Variants in PRKN observed in about 807,000 individuals in gnomAD.
PRKN encodes the protein E3 ubiquitin-protein ligase parkin.
PRKN carries 56 observed loss-of-function variants against 59.5 expected under a neutral mutation model. The ratio of observed to expected loss-of-function variants is 0.94; its 90% CI spans 0.76 to 1.18. The LOEUF is 1.18. PRKN is among the 50% of genes most tolerant of loss of function. The probability of loss-of-function intolerance (pLI) is 0.00; values close to 1 mark genes in which losing one functional copy is unlikely to be tolerated. For missense variants in PRKN, 657 were observed against 596.4 expected, an observed-to-expected ratio of 1.10 and a Z score of -1.06; for synonymous variants, 250 against 222.1, an observed-to-expected ratio of 1.13 and a Z score of -1.12.
At chr6:162,284,952 C>T (rs1438917204) in intron 2 of PRKN, among the ~76,000 whole-genome samples, 7 of 152,078 alleles carry the variant, frequency 4.6e-5, no homozygotes, top group African/African-American at 1.7e-4. Flanking sequence ...AAAATGTCAG[C>T]ATTAGGGTGG....
At chr6:162,418,776 AG>A (rs1475814034) in intron 2 of PRKN, among the ~76,000 whole-genome samples, 1 of 151,754 alleles carries the variant, frequency 6.6e-6, no homozygotes, top group Non-Finnish European at 1.5e-5. Context: ...AAGCACACCC[AG>A]GGCACTCCTG....
intron 3 of PRKN, among the ~76,000 whole-genome samples, chr6:162,233,559 C>T (rs1778514451): frequency 1.3e-5 from 2 of 152,150 alleles, no homozygotes; most frequent in African/African-American, 4.8e-5. Context: ...ACCTCCTCCT[C>T]ATTTTATAGA....
intron 5 of PRKN, among the ~76,000 whole-genome samples, chr6:161,989,388 C>A (rs963936313): frequency 6.6e-6 from 1 of 151,950 alleles, no homozygotes; most frequent in Admixed American, 6.6e-5. Context: ...CCCACCAGTG[C>A]GTGGATATAC....
chr6:162,178,501 C>T (rs1047262204), intron 4 of PRKN, among the ~76,000 whole-genome samples: 1 of 152,172 alleles, frequency 6.6e-6, no homozygotes, highest in Non-Finnish European at 1.5e-5. Context: ...CAGACACACA[C>T]ACCTGAGCTA....
chr6:161,605,679 T>C (rs1317552653), intron 7 of PRKN, among the ~76,000 whole-genome samples: 1 of 152,040 alleles, frequency 6.6e-6, no homozygotes, highest in African/African-American at 2.4e-5. Context: ...GCCCAGGTAA[T>C]TTTTGTACTT....
chr6:161,990,858 C>G (rs992889091), intron 5 of PRKN, among the ~76,000 whole-genome samples: 14 of 152,268 alleles, frequency 9.2e-5, no homozygotes, highest in Non-Finnish European at 1.3e-4. Context: ...CTGAAAACTT[C>G]TCAAGTCTTG....
chr6:161,757,057 A>ATTCCTAAC (rs1310987683), intron 7 of PRKN, among the ~76,000 whole-genome samples: 3 of 152,246 alleles, frequency 2.0e-5, no homozygotes, highest in African/African-American at 7.2e-5. Context: ...AGAAACTTTG[A>ATTCCTAAC]TTCCTAACTT....
chr6:161,721,088 A>G (rs1787202263), intron 7 of PRKN, among the ~76,000 whole-genome samples: 1 of 152,222 alleles, frequency 6.6e-6, no homozygotes, highest in African/African-American at 2.4e-5. Flanking sequence ...ATCCATGGGC[A>G]GAGGTCCCTC....
At chr6:161,664,651 G>A (rs1221992748) in intron 7 of PRKN, among the ~76,000 whole-genome samples, 1 of 152,154 alleles carries the variant, frequency 6.6e-6, no homozygotes, top group Non-Finnish European at 1.5e-5. Context: ...TAAACTGGCA[G>A]ATGGATTTTT....
At chr6:162,557,409 C>G (rs1236325219) in intron 1 of PRKN, among the ~76,000 whole-genome samples, 1 of 152,220 alleles carries the variant, frequency 6.6e-6, no homozygotes, top group African/African-American at 2.4e-5. Context: ...CTGGGTGTGC[C>G]CACGTGGTCT....
At chr6:162,349,982 C>T (rs1342707394) in intron 2 of PRKN, among the ~76,000 whole-genome samples, 1 of 152,124 alleles carries the variant, frequency 6.6e-6, no homozygotes, top group East Asian at 1.9e-4. Flanking sequence ...ACCAGAAGTA[C>T]TAAGTGAGTT....
intron 1 of PRKN, among the ~76,000 whole-genome samples, chr6:162,562,523 C>G (rs1169179770): frequency 6.6e-6 from 1 of 152,114 alleles, no homozygotes; most frequent in South Asian, 2.1e-4. Context: ...GACTTAAGAG[C>G]CTTTGGGCCT....
At chr6:162,680,777 G>A (rs1022088308) in intron 1 of PRKN, among the ~76,000 whole-genome samples, 1 of 152,078 alleles carries the variant, frequency 6.6e-6, no homozygotes, top group Non-Finnish European at 1.5e-5. Context: ...GTTTACATCT[G>A]TAGGCTTTCT....
chr6:162,582,803 CAT>C (rs553284023), intron 1 of PRKN, among the ~76,000 whole-genome samples: 18 of 152,314 alleles, frequency 1.2e-4, no homozygotes, highest in Non-Finnish European at 2.4e-4. Context: ...AATTATAACA[CAT>C]GATATTAAAT....
intron 5 of PRKN, among the ~76,000 whole-genome samples, chr6:161,993,127 T>C (rs1351385440): frequency 2.0e-5 from 3 of 151,708 alleles, no homozygotes; most frequent in Non-Finnish European, 4.4e-5. Flanking sequence ...CTAAATGAGA[T>C]AGAGACAAGA....
chr6:162,705,834 G>A (rs930888790), intron 1 of PRKN, among the ~76,000 whole-genome samples: 5 of 152,106 alleles, frequency 3.3e-5, no homozygotes, highest in Admixed American at 6.5e-5. Flanking sequence ...GTAAACTCAG[G>A]AGCTAAATTA....
At position 161,376,673 on chromosome 6, in the gene PRKN, T is replaced by C. The variant is rs1166718864; in HGVS notation, c.1167+10121A>G. Among the ~76,000 whole-genome samples, 2 of 152,146 alleles carry C rather than the reference T, an allele frequency of 1.3e-5. No individual in the cohort carries two copies. Among genetic ancestry groups the C allele is most frequent in the Non-Finnish European group, 2.9e-5 (2 of 68,022 alleles). On this transcript the variant is annotated intron_variant, in intron 10 of 11. Coordinates refer to ENST00000366898, the MANE Select transcript of PRKN (RefSeq NM_004562.3). This position sits in a 1 kb window ranked among gnomAD's most constrained non-coding sequence, Gnocchi z 7.3. ...CGGCGATAGGGCAGCTCACGCCCAG[T>C]GGTGGAGGGTGGATGCGAAGGGCTC... is the stretch of plus-strand genomic sequence containing the variant.
intron 7 of PRKN, among the ~76,000 whole-genome samples, chr6:161,706,411 G>A (rs1317655327): frequency 2.0e-5 from 3 of 152,300 alleles, no homozygotes; most frequent in South Asian, 2.1e-4. Context: ...CCGGGTTCAC[G>A]CCTCTCAAAA....
At chr6:162,686,380 G>A (rs968933013) in intron 1 of PRKN, among the ~76,000 whole-genome samples, 1 of 152,138 alleles carries the variant, frequency 6.6e-6, no homozygotes. Context: ...CCACACCAGA[G>A]GTGGGTGGTG....
Sources: gnomAD v4.1 joint callset for allele counts (sites outside exome capture counted in the v4.1 genomes callset) on GRCh38, gnomAD v4.1.1 for gene constraint, Gnocchi (gnomAD v3.1) non-coding constraint, MANE v1.5 for transcripts, NCBI Gene and HGNC (gene_info 2026-07-23, HGNC 2026-07-21) for gene names.